The following INPP4B variants were observed in gnomAD, a reference collection of about 807,000 sequenced individuals.
INPP4B encodes the protein inositol polyphosphate-4-phosphatase type II B.
A neutral mutation model predicts 122.5 loss-of-function variants in INPP4B; 55 were observed. The ratio of observed to expected loss-of-function variants is 0.45; its 90% CI spans 0.36 to 0.56. The LOEUF (loss-of-function observed/expected upper bound fraction) is 0.56, where lower values mean the gene tolerates loss of function less well. Ranked by LOEUF, INPP4B falls within the 20% of genes least tolerant of loss-of-function variation. INPP4B has a pLI of 0.00. For missense variants in INPP4B, 1,000 were observed against 1,097.7 expected, an observed-to-expected ratio of 0.91 and a Z score of 1.26; for synonymous variants, 403 against 388.7, an observed-to-expected ratio of 1.04 and a Z score of -0.43.
chr4:142,405,381 A>T, intron 5 of INPP4B, 57 bp from the exon 6 acceptor site: 1 of 1,071,422 alleles, frequency 9.3e-7, no homozygotes, highest in Non-Finnish European at 1.4e-6. Context: ...CTCAGGGAAA[A>T]CTTCTGCGCC....
chr4:142,524,321 G>A (rs910973750), intron 2 of INPP4B, among the ~76,000 whole-genome samples: 11 of 152,012 alleles, frequency 7.2e-5, no homozygotes, highest in African/African-American at 2.7e-4. Context: ...AGCACCTGTT[G>A]TTTCCTGATT....
chr4:142,185,739 C>A (rs1187792923), intron 15 of INPP4B, among the ~76,000 whole-genome samples: 3 of 151,474 alleles, frequency 2.0e-5, no homozygotes, highest in Non-Finnish European at 4.4e-5. Flanking sequence ...ATTAGCCGCG[C>A]GTGGTGGCAG....
chr4:142,211,686 C>T (rs1844963790), intron 12 of INPP4B, among the ~76,000 whole-genome samples: 1 of 152,166 alleles, frequency 6.6e-6, no homozygotes, highest in Admixed American at 6.6e-5. Flanking sequence ...GTCAGAGGGA[C>T]ATTTATATGT....
intron 1 of INPP4B, among the ~76,000 whole-genome samples, chr4:142,814,658 T>C (rs1779916316): frequency 6.6e-6 from 1 of 152,002 alleles, no homozygotes; most frequent in African/African-American, 2.4e-5. Context: ...GACTTCCCAA[T>C]GGCCAAAGCT....
intron 7 of INPP4B, among the ~76,000 whole-genome samples, chr4:142,327,579 T>C (rs1772898084): frequency 2.0e-5 from 3 of 152,166 alleles, no homozygotes; most frequent in Non-Finnish European, 4.4e-5. Flanking sequence ...TTTCTTTCTC[T>C]ATAGAATTCT....
chr4:142,580,416 C>T (rs1227988233), intron 2 of INPP4B, among the ~76,000 whole-genome samples: 1 of 151,870 alleles, frequency 6.6e-6, no homozygotes, highest in Admixed American at 6.6e-5. Context: ...ATGTTACTTC[C>T]TGTTTTAAAC....
chr4:142,624,196 T>G (rs1047591806), intron 2 of INPP4B, among the ~76,000 whole-genome samples: 2 of 151,990 alleles, frequency 1.3e-5, no homozygotes, highest in African/African-American at 2.4e-5. Context: ...CAGTATAAAG[T>G]GTTCCTATTT....
chr4:142,159,911 A>G (rs958499267), intron 17 of INPP4B, among the ~76,000 whole-genome samples: 2 of 151,992 alleles, frequency 1.3e-5, no homozygotes, highest in African/African-American at 4.8e-5. Context: ...GATTTGCGAG[A>G]TATCTATGTC....
intron 18 of INPP4B, among the ~76,000 whole-genome samples, chr4:142,134,659 T>C (rs1480363225): frequency 6.6e-6 from 1 of 151,918 alleles, no homozygotes; most frequent in African/African-American, 2.4e-5. Context: ...TAGTTGGGCA[T>C]AGTGGCGCAT....
intron 1 of INPP4B, among the ~76,000 whole-genome samples, chr4:142,759,392 T>C (rs1325510521): frequency 6.6e-6 from 1 of 152,174 alleles, no homozygotes; most frequent in Non-Finnish European, 1.5e-5. Flanking sequence ...CACAATTTCG[T>C]CTTCTCTCCA....
At chr4:142,735,924 A>AACAC (rs33993491) in intron 1 of INPP4B, among the ~76,000 whole-genome samples, 23,741 of 142,564 alleles carry the variant, frequency 0.17, 2,088 homozygotes, top group Non-Finnish European at 0.21. Context: ...TATACATTGC[A>AACAC]ACACACACAC....
intron 18 of INPP4B, among the ~76,000 whole-genome samples, chr4:142,140,977 A>G (rs1807480388): frequency 6.6e-6 from 1 of 152,202 alleles, no homozygotes; most frequent in African/African-American, 2.4e-5. Context: ...AATTCTGCAG[A>G]CTGCTGAGAC....
chr4:142,043,390 C>T (rs1219016642), intron 25 of INPP4B, among the ~76,000 whole-genome samples: 2 of 152,148 alleles, frequency 1.3e-5, no homozygotes, highest in African/African-American at 2.4e-5. Flanking sequence ...TTCCAAGGTA[C>T]AGCTCAAAAT....
chr4:142,688,083 C>T (rs573891123), intron 2 of INPP4B, among the ~76,000 whole-genome samples: 24 of 152,260 alleles, frequency 1.6e-4, no homozygotes, highest in Non-Finnish European at 3.2e-4. Flanking sequence ...CAAAGCTGTA[C>T]TCAGCCTTCC....
At chr4:142,637,980 C>T (rs1436599517) in intron 2 of INPP4B, among the ~76,000 whole-genome samples, 1 of 152,076 alleles carries the variant, frequency 6.6e-6, no homozygotes, top group East Asian at 1.9e-4. Flanking sequence ...GCTTACATGC[C>T]ATCTATATAT....
intron 10 of INPP4B, among the ~76,000 whole-genome samples, chr4:142,263,040 C>T (rs13136358): frequency 1.1e-3 from 165 of 152,276 alleles, no homozygotes; most frequent in Non-Finnish European, 1.8e-3. Context: ...ACTTGTGCTA[C>T]GCTGCATTCC....
chr4:142,332,195 CTTATA>C (rs1248245373), intron 7 of INPP4B, among the ~76,000 whole-genome samples: 3 of 151,952 alleles, frequency 2.0e-5, no homozygotes, highest in South Asian at 2.1e-4. Flanking sequence ...ACAATCTGTG[CTTATA>C]TTATACCATG....
At chr4:142,069,915 A>G (rs115060422) in intron 25 of INPP4B, among the ~76,000 whole-genome samples, 3,891 of 152,244 alleles carry the variant, frequency 0.026, 184 homozygotes, top group African/African-American at 0.089. Context: ...ACAAACAGGA[A>G]CTGGTACCGT....
At chr4:142,400,469 T>G (rs1236719582) in intron 7 of INPP4B, among the ~76,000 whole-genome samples, 1 of 152,218 alleles carries the variant, frequency 6.6e-6, no homozygotes, top group Non-Finnish European at 1.5e-5. Context: ...AGCTGTACTT[T>G]AAGCCACTTG....
Sources: allele counts gnomAD v4.1 joint callset (sites outside exome capture counted in the v4.1 genomes callset), GRCh38; gene constraint gnomAD v4.1.1; transcripts MANE v1.5; gene names NCBI Gene and HGNC (gene_info 2026-07-23, HGNC 2026-07-21).